Variants in SLC2A9 observed in about 807,000 individuals in gnomAD.
The protein encoded by SLC2A9 is solute carrier family 2, facilitated glucose transporter member 9.
A neutral mutation model predicts 50.6 loss-of-function variants in SLC2A9; 39 were observed. The ratio of observed to expected loss-of-function variants is 0.77; its 90% CI spans 0.60 to 1.01. The LOEUF is 1.01. SLC2A9 is among the 50% of genes least tolerant of loss of function. The probability of loss-of-function intolerance (pLI) is 0.00; values close to 1 mark genes in which losing one functional copy is unlikely to be tolerated. For synonymous variants in SLC2A9, 324 were observed against 276.9 expected (o/e 1.17, Z -1.69); for missense variants, 686 against 677.6 (o/e 1.01, Z -0.14).
At chr4:9,921,485 G>A (rs895149263) in intron 6 of SLC2A9, among the ~76,000 whole-genome samples, 1 of 152,178 alleles carries the variant, frequency 6.6e-6, no homozygotes, top group African/African-American at 2.4e-5. Context: ...TATTGTGCTG[G>A]CTCCTGCGGA....
intron 3 of SLC2A9, among the ~76,000 whole-genome samples, chr4:9,990,067 A>T (rs1757423876): frequency 6.6e-6 from 1 of 152,126 alleles, no homozygotes; most frequent in Admixed American, 6.5e-5. Flanking sequence ...CGAATGGCAC[A>T]GTCTGCATGC....
intron 2 of SLC2A9, among the ~76,000 whole-genome samples, chr4:9,999,076 CTT>C (rs34545348): frequency 7.0e-6 from 1 of 143,252 alleles, no homozygotes; most frequent in Non-Finnish European, 1.5e-5. Flanking sequence ...GTAGGTCCTT[CTT>C]TTTTTTTTTT....
chr4:9,889,361 G>T (rs1032261247), intron 9 of SLC2A9, among the ~76,000 whole-genome samples: 2 of 152,212 alleles, frequency 1.3e-5, no homozygotes, highest in African/African-American at 4.8e-5. Flanking sequence ...CTTGTGAAAT[G>T]AGGCTTAGAT....
At chr4:9,881,073 T>C (rs768016443) in intron 10 of SLC2A9, among the ~76,000 whole-genome samples, 5 of 152,228 alleles carry the variant, frequency 3.3e-5, no homozygotes, top group Non-Finnish European at 7.3e-5. Flanking sequence ...CGGGGAGTGG[T>C]TCCTGACGAG....
rs540301209 is a variant in SLC2A9, at chr4:9,953,569, T to G, written c.682-11524A>C. Among the ~76,000 whole-genome samples, 25 of 152,350 alleles carry G rather than the reference T, an allele frequency of 1.6e-4. 1 individual carries two copies. The South Asian group carries it at 5.2e-3, about 32-fold the overall frequency. ...CCTGCATTACTGGTTGTGCTGGGGATTCAACAGATTACATGCAAAGTGCTC... is the reference window on the plus strand; with the variant it reads ...CCTGCATTACTGGTTGTGCTGGGGAGTCAACAGATTACATGCAAAGTGCTC... On this transcript the variant is annotated intron_variant, in intron 5 of 11. Coordinates refer to ENST00000264784, the MANE Select transcript of SLC2A9 (RefSeq NM_020041.3).
At chr4:9,822,208 T>C (rs893508548), downstream of SLC2A9, among the ~76,000 whole-genome samples, 13 of 152,216 alleles carry the variant, frequency 8.5e-5, no homozygotes, top group Non-Finnish European at 8.8e-5. Context: ...ATCAATTGTA[T>C]TGATCTTTCC....
intron 5 of SLC2A9, among the ~76,000 whole-genome samples, chr4:9,944,162 G>A (rs1427912268): frequency 1.3e-5 from 2 of 152,198 alleles, no homozygotes; most frequent in Non-Finnish European, 2.9e-5. Context: ...AACAACAACT[G>A]TAGTGGAAAC....
downstream of SLC2A9, among the ~76,000 whole-genome samples, chr4:9,775,068 T>G (rs1277425232): frequency 6.6e-6 from 1 of 152,160 alleles, no homozygotes. Flanking sequence ...GACGGGCACT[T>G]CTGGGGTCAT....
chr4:9,937,352 C>T (rs925345464), intron 6 of SLC2A9, among the ~76,000 whole-genome samples: 16 of 152,210 alleles, frequency 1.1e-4, no homozygotes, highest in African/African-American at 3.9e-4. Flanking sequence ...CTCTGTGGGC[C>T]TCTGTTTCTT....
At chr4:9,899,011 T>G (rs2109877817) in intron 8 of SLC2A9, among the ~76,000 whole-genome samples, 1 of 152,328 alleles carries the variant, frequency 6.6e-6, no homozygotes, top group East Asian at 1.9e-4. Context: ...TCTCTCTCTC[T>G]CTTTCTCTCT....
chr4:9,813,021 G>A lies in SLC2A9; in HGVS notation n.420+13399C>T, dbSNP rs143143521. ...CACTCAGTGTGACCTCTGTTCTTTG[G>A]GTTTCATAACCAGCTAATGAATGTT... is the stretch of plus-strand genomic sequence containing the variant. On this transcript the variant is annotated intron_variant and non_coding_transcript_variant, in intron 3 of 3. Coordinates refer to the SLC2A9 transcript ENST00000503280. Among the ~76,000 whole-genome samples the A allele has an allele frequency of 4.6e-5, 7 of 152,206 alleles. No individual in the cohort carries two copies. The East Asian group carries it at 7.7e-4, about 17-fold the overall frequency.
rs1320358972 is a variant in SLC2A9 at position 9,980,654 on chromosome 4, T to G, written c.619A>C (p.Ile207Leu). ...GTGAACACGCCAATGCAGATAAAGA[T>G]GGCAGTCACCTGCCCCAGAGAGCCA... ...IRGSLGQVTA[I>L]FICIGVFTGQ... is the part of the protein sequence containing the mutation. The change falls in exon 5 of 12, where the codon ATC becomes CTC. Residue 207 changes from isoleucine (I) to leucine (L), a missense_variant. Physicochemically the swap from Ile to Leu is conservative, Grantham distance 5 (BLOSUM62 2). Transcript: ENST00000264784. 1 of 1,614,142 alleles carries G rather than the reference T, an allele frequency of 6.2e-7. No individual in the cohort carries two copies. Among genetic ancestry groups the G allele is most frequent in the Admixed American group, 1.7e-5 (1 of 60,022 alleles).
chr4:9,913,956 G>A (rs1742381543), intron 7 of SLC2A9, among the ~76,000 whole-genome samples: 1 of 152,086 alleles, frequency 6.6e-6, no homozygotes, highest in African/African-American at 2.4e-5. Context: ...CTTATCTATT[G>A]TAAATCCCCA....
intron 10 of SLC2A9, among the ~76,000 whole-genome samples, chr4:9,865,210 T>C (rs1199707334): frequency 6.6e-6 from 1 of 152,220 alleles, no homozygotes; most frequent in Non-Finnish European, 1.5e-5. Context: ...CTATTACAGC[T>C]AAAGGTAGGT....
intron 3 of SLC2A9, among the ~76,000 whole-genome samples, chr4:9,811,893 G>A (rs867460044): frequency 9.9e-5 from 15 of 152,162 alleles, no homozygotes; most frequent in Middle Eastern, 3.4e-3. Flanking sequence ...AGAGAAAAGC[G>A]GAAGGAAAAA....
intron 3 of SLC2A9, among the ~76,000 whole-genome samples, chr4:9,802,545 T>C (rs1481986400): frequency 6.8e-6 from 1 of 146,584 alleles, no homozygotes; most frequent in African/African-American, 2.6e-5. Context: ...TAAAGAGGTT[T>C]TTTTTGTTCT....
At chr4:9,782,804 A>G (rs200119048) in intron 3 of SLC2A9, 163 of 1,613,124 alleles carry the variant, frequency 1.0e-4, no homozygotes, top group Non-Finnish European at 1.8e-5. Context: ...GATCCGCAGG[A>G]TTTCCTCCCT....
At chr4:9,960,730 T>G (rs964403468) in intron 5 of SLC2A9, among the ~76,000 whole-genome samples, 1 of 152,106 alleles carries the variant, frequency 6.6e-6, no homozygotes, top group African/African-American at 2.4e-5. Flanking sequence ...CTGAGTGACA[T>G]GGATTGAGAG....
At chr4:9,914,836 C>T (rs1454492220) in intron 7 of SLC2A9, among the ~76,000 whole-genome samples, 1 of 152,192 alleles carries the variant, frequency 6.6e-6, no homozygotes. Context: ...TAAAAGGCTG[C>T]TTCCTTCTCT....
Sources: gnomAD v4.1 joint callset for allele counts (sites outside exome capture counted in the v4.1 genomes callset) on GRCh38, gnomAD v4.1.1 for gene constraint, MANE v1.5 for transcripts, NCBI Gene and HGNC (gene_info 2026-07-23, HGNC 2026-07-21) for gene names.